Variants in HDHD5 observed in about 807,000 individuals in gnomAD.
HDHD5 encodes haloacid dehalogenase-like hydrolase domain-containing 5.
Under a neutral mutation model 35.5 loss-of-function variants are expected in HDHD5, and 34 were observed. The ratio of observed to expected loss-of-function variants is 0.96; its 90% CI spans 0.73 to 1.28. The LOEUF is 1.28. Ranked by LOEUF, HDHD5 falls within the 50% of genes most tolerant of loss-of-function variation. The pLI is 0.00. For synonymous variants in HDHD5, 248 were observed against 240.6 expected (o/e 1.03, Z -0.29); for missense variants, 589 against 560.2 (o/e 1.05, Z -0.52).
At chr22:17,148,620 T>C (rs1601392018) in intron 2 of HDHD5, 60 bp from the exon 3 acceptor site, 2 of 1,276,712 alleles carry the variant, frequency 1.6e-6, no homozygotes, top group East Asian at 2.3e-5. Context: ...AGGGAAATAA[T>C]GAGACAGGTG....
chr22:17,164,222 G>GAAA (rs60212114), upstream of HDHD5, among the ~76,000 whole-genome samples: 12 of 111,926 alleles, frequency 1.1e-4, no homozygotes, highest in Admixed American at 1.8e-4. Flanking sequence ...CTCCATCTCA[G>GAAA]AAAAAAAAAA....
chr22:17,155,196 C>T (rs569997496), intron 1 of HDHD5, among the ~76,000 whole-genome samples: 11 of 150,946 alleles, frequency 7.3e-5, no homozygotes, highest in South Asian at 4.2e-4. Flanking sequence ...ATAGTTTTAA[C>T]GGTCATTGCC....
chr22:17,155,231 CTTT>C (rs539943001), intron 1 of HDHD5, among the ~76,000 whole-genome samples: 11 of 133,236 alleles, frequency 8.3e-5, no homozygotes, highest in East Asian at 2.1e-4. Context: ...ATTTGCTTTC[CTTT>C]TTTTTTTTTT....
chr22:17,140,719 T>C (rs1454537643), intron 6 of HDHD5, among the ~76,000 whole-genome samples: 1 of 152,106 alleles, frequency 6.6e-6, no homozygotes, highest in Non-Finnish European at 1.5e-5. Flanking sequence ...AGCAACTGAA[T>C]AATGTGCACA....
intron 3 of HDHD5, among the ~76,000 whole-genome samples, chr22:17,145,691 CAAAAAAA>C (rs58265704): frequency 1.3e-5 from 2 of 149,088 alleles, no homozygotes; most frequent in African/African-American, 2.5e-5. Flanking sequence ...GACCCTGTCT[CAAAAAAA>C]AACAAAAAAC....
chr22:17,164,004 T>A (rs2061877800), upstream of HDHD5, among the ~76,000 whole-genome samples: 1 of 152,108 alleles, frequency 6.6e-6, no homozygotes, highest in African/African-American at 2.4e-5. Flanking sequence ...GCAGATCACC[T>A]GAGGTCAGGA....
chr22:17,160,249 AC>A (rs1490560665), upstream of HDHD5, among the ~76,000 whole-genome samples: 11 of 152,028 alleles, frequency 7.2e-5, no homozygotes, highest in Non-Finnish European at 1.6e-4. Context: ...GCGGTGGCTC[AC>A]CCCTGTAATC....
chr22:17,141,694 T>C, intron 5 of HDHD5: 1 of 865,090 alleles, frequency 1.2e-6, no homozygotes, highest in East Asian at 1.2e-4. Flanking sequence ...CCACCGATTC[T>C]CCTGTATGAC....
chr22:17,148,737 TG>T (rs1344062981), intron 2 of HDHD5, among the ~76,000 whole-genome samples, 177 bp from the exon 3 acceptor site: 1 of 152,162 alleles, frequency 6.6e-6, no homozygotes, highest in Non-Finnish European at 1.5e-5. Flanking sequence ...CAAACAGATC[TG>T]AGAAGAACCT....
rs577887592 is a variant in HDHD5 at position 17,156,778 on chromosome 22, T to A, written c.126+2348A>T. ...GCAACAGAGCGAGCGAGACTCCGTC[T>A]CAAAAAAAAAAAAAAAGCTGGCTGG... is the stretch of plus-strand genomic sequence containing the variant. On this transcript the variant is annotated intron_variant, in intron 1 of 7. Transcript: ENST00000336737. Among the ~76,000 whole-genome samples, 3 of 108,720 alleles carry A rather than the reference T, an allele frequency of 2.8e-5. No homozygotes were observed. The East Asian group carries it at 8.0e-4, about 29-fold the overall frequency. 71.3% of individuals were successfully genotyped at this position (108,720 alleles called of 152,430 possible). A position where few individuals can be genotyped will look rare whatever the true frequency, so the allele number is the denominator to read the frequency against.
chr22:17,149,394 C>T (rs1044937601), intron 2 of HDHD5, 148 bp downstream of exon 2: 6 of 720,808 alleles, frequency 8.3e-6, no homozygotes, highest in Non-Finnish European at 1.4e-5. Flanking sequence ...GCCAAATACA[C>T]AGGCAGGATT....
At chr22:17,149,457 C>A in intron 2 of HDHD5, 85 bp downstream of exon 2, 2 of 1,345,428 alleles carry the variant, frequency 1.5e-6, no homozygotes, top group Non-Finnish European at 1.0e-6. Flanking sequence ...ATATCCCAAC[C>A]CAGGGGAAAG....
In HDHD5 at chr22:17,147,333, T is replaced by C. The variant is rs1279715132; in HGVS notation, c.443+1115A>G. On this transcript the variant is annotated intron_variant, in intron 3 of 7. Transcript: ENST00000336737. The stretch of plus-strand genomic sequence containing the variant: ...CTTACAGGCCTTCGATCACACGCCA[T>C]CGCACACGCCCCACACCTGTGGCGC... Among the ~76,000 whole-genome samples the C allele has an allele frequency of 2.1e-5, 2 of 96,894 alleles. 1 individual carries two copies. The highest frequency in any genetic ancestry group is 9.4e-5 in the African/African-American group (2 of 21,188). The allele number at this position is 96,894 out of a possible 152,430, so 63.6% of individuals were successfully genotyped here. A position where few individuals can be genotyped will look rare whatever the true frequency, so the allele number is the denominator to read the frequency against.
chr22:17,141,133 T>A lies in HDHD5; in HGVS notation c.672A>T (p.Thr224=), dbSNP rs1261419329. ...GGACGGGGAGGTGGGGGTAGGGGGG[T>A]GTTGCCAGGCCAGCCCCAGGGCTCC... ...SNGSPGAGLA[T]PPYPHLPVLA... The change falls in exon 6 of 8, where the codon ACA becomes ACT. Residue 224 remains threonine, a synonymous_variant. Coordinates refer to ENST00000336737, the MANE Select transcript of HDHD5 (RefSeq NM_033070.3). 5 of 1,592,240 alleles carry A rather than the reference T, an allele frequency of 3.1e-6. No individual in the cohort carries two copies. The Admixed American group carries it at 9.0e-5, about 29-fold the overall frequency.
At position 17,150,510 on chromosome 22, in the gene HDHD5, T is replaced by A. The variant is rs998299495; in HGVS notation, c.127-765A>T. 2.2e-4 allele frequency among the ~76,000 whole-genome samples: 33 copies of A among 147,484 alleles called. 1 individual carries two copies. Among genetic ancestry groups the A allele is most frequent in the Non-Finnish European group, 1.0e-4 (7 of 67,272 alleles). On this transcript the variant is annotated intron_variant, in intron 1 of 7. Coordinates refer to ENST00000336737, the MANE Select transcript of HDHD5 (RefSeq NM_033070.3). Reference sequence around the variant, plus strand: ...TTCCATCTTACTTTTTTAGTTGGTATCTCTTGGCTGTCTTTTTTTTTTTTT... The same window carrying A: ...TTCCATCTTACTTTTTTAGTTGGTAACTCTTGGCTGTCTTTTTTTTTTTTT...
intron 4 of HDHD5, among the ~76,000 whole-genome samples, chr22:17,144,773 A>T (rs1249501726): frequency 2.6e-5 from 4 of 151,404 alleles, no homozygotes; most frequent in Admixed American, 1.3e-4. Context: ...CTGGTCTTGA[A>T]CTCCTGGGCT....
Position 17,138,495 on chromosome 22 carries a change from G to A in HDHD5, c.935+55C>T, listed in dbSNP as rs2061561018. ...GGGAAATGGGGGTGAGAGTAGAGGA[G>A]GAGGGAGAGAAGGGGATGTCATAAA... On this transcript the variant is annotated intron_variant, in intron 7 of 7. Coordinates refer to ENST00000336737, the MANE Select transcript of HDHD5 (RefSeq NM_033070.3). 4 of 1,575,256 alleles carry A rather than the reference G, an allele frequency of 2.5e-6. No homozygotes were observed. In the South Asian group the frequency reaches 3.4e-5, roughly 13 times the overall value.
chr22:17,157,076 TCACACACATA>T (rs1197729375), intron 1 of HDHD5, among the ~76,000 whole-genome samples: 2 of 56,170 alleles, frequency 3.6e-5, no homozygotes, highest in South Asian at 6.0e-4. Flanking sequence ...AGACACCGTC[TCACACACATA>T]CACACACACA....
At chr22:17,159,522 C>T (rs2061846273), upstream of HDHD5, 3 of 453,912 alleles carry the variant, frequency 6.6e-6, no homozygotes, top group South Asian at 1.6e-5. Context: ...CGGCGGCGTC[C>T]GTACTATCGC....
Sources: gnomAD v4.1 joint callset for allele counts (sites outside exome capture counted in the v4.1 genomes callset) on GRCh38, gnomAD v4.1.1 for gene constraint, MANE v1.5 for transcripts, NCBI Gene and HGNC (gene_info 2026-07-23, HGNC 2026-07-21) for gene names.